The following GSE1 variants were observed in gnomAD, a reference collection of about 807,000 sequenced individuals.
The protein encoded by GSE1 is genetic suppressor element 1.
GSE1 carries 32 observed loss-of-function variants against 112.6 expected under a neutral mutation model. The ratio of observed to expected loss-of-function variants is 0.28; its 90% CI spans 0.21 to 0.38. The LOEUF is 0.38. GSE1 is among the 10% of genes least tolerant of loss of function. GSE1 has a pLI of 1.00. For synonymous variants in GSE1, 1,115 were observed against 735.6 expected (o/e 1.52, Z -8.35); for missense variants, 2,348 against 1,699.2 (o/e 1.38, Z -6.71).
At chr16:85,625,282 T>C (rs2048995988) in intron 1 of GSE1, among the ~76,000 whole-genome samples, 1 of 152,206 alleles carries the variant, frequency 6.6e-6, no homozygotes, top group African/African-American at 2.4e-5. Flanking sequence ...GTTGCTGCCA[T>C]CTGTTGCCTG....
At chr16:85,270,253 CAG>C (rs1466328102) in intron 1 of GSE1, among the ~76,000 whole-genome samples, 1 of 149,010 alleles carries the variant, frequency 6.7e-6, no homozygotes, top group Non-Finnish European at 1.5e-5. Context: ...GGGGACAAAA[CAG>C]AACCACCCAG....
chr16:85,326,714 C>T (rs1364230752), intron 1 of GSE1, among the ~76,000 whole-genome samples: 2 of 152,210 alleles, frequency 1.3e-5, no homozygotes, highest in African/African-American at 4.8e-5. Flanking sequence ...GCCATAGCAG[C>T]GTGAGAACAG....
At chr16:85,180,378 A>T (rs2074557794) in intron 1 of GSE1, among the ~76,000 whole-genome samples, 2 of 152,218 alleles carry the variant, frequency 1.3e-5, no homozygotes. Context: ...CACCGAGGCC[A>T]CGCTATCCTG....
At chr16:85,355,024 C>T (rs570278096) in intron 1 of GSE1, among the ~76,000 whole-genome samples, 8 of 152,310 alleles carry the variant, frequency 5.3e-5, no homozygotes, top group African/African-American at 1.9e-4. Context: ...CCTAAGCCGC[C>T]GGCATGCCTG....
At chr16:85,408,126 G>GAC (rs1555581526) in intron 2 of GSE1, among the ~76,000 whole-genome samples, 1 of 32,034 alleles carries the variant, frequency 3.1e-5, no homozygotes, top group Non-Finnish European at 6.0e-5. Flanking sequence ...TTACTCTCAG[G>GAC]CCCCCTGGAT....
chr16:85,540,877 G>T (rs527840383), intron 2 of GSE1, among the ~76,000 whole-genome samples: 1 of 152,152 alleles, frequency 6.6e-6, no homozygotes, highest in African/African-American at 2.4e-5. Context: ...ACTGCACTCC[G>T]GCCTGAGCAA....
At chr16:85,177,540 C>T (rs77269027) in intron 1 of GSE1, among the ~76,000 whole-genome samples, 6,811 of 152,282 alleles carry the variant, frequency 0.045, 247 homozygotes, top group Middle Eastern at 0.068. Context: ...TTTCCCCATC[C>T]GTCAAAGTGA....
intron 2 of GSE1, among the ~76,000 whole-genome samples, chr16:85,396,573 G>C (rs950694505): frequency 6.6e-5 from 10 of 152,240 alleles, no homozygotes; most frequent in African/African-American, 2.2e-4. Context: ...CCACCACCTG[G>C]AGCCATGGAG....
intron 1 of GSE1, among the ~76,000 whole-genome samples, chr16:85,627,662 ACAGCCCC>A (rs554193348): frequency 6.6e-6 from 1 of 151,002 alleles, no homozygotes; most frequent in East Asian, 2.0e-4. Context: ...CAGTGCGGAG[ACAGCCCC>A]CGGCCCCCCG....
intron 2 of GSE1, among the ~76,000 whole-genome samples, chr16:85,550,519 C>A (rs999244425): frequency 6.6e-6 from 1 of 152,010 alleles, no homozygotes; most frequent in Non-Finnish European, 1.5e-5. Flanking sequence ...AGGTTAGCCA[C>A]GCAGCTTCCC....
chr16:85,500,210 T>C (rs567502885), intron 2 of GSE1, among the ~76,000 whole-genome samples: 49 of 152,358 alleles, frequency 3.2e-4, no homozygotes, highest in South Asian at 1.9e-3. Context: ...AGGTTTGTTC[T>C]TTTTTCTCCT....
At position 85,419,611 on chromosome 16, in the gene GSE1, A is replaced by AAAAAC. The variant is rs1296881447; in HGVS notation, c.2464+61972_2464+61973insCAAAA. On this transcript the variant is annotated intron_variant, in intron 2 of 2. Transcript: ENST00000637419. The surrounding 1 kb of genome is among the most constrained non-coding windows in gnomAD (Gnocchi z 6.5). The stretch of plus-strand genomic sequence containing the variant: ...ATAGAGCAAGGCTGTGTCTCAAAAA[A>AAAAAC]AAAAAACAAAAAACAAAAAACAAAA... Among the ~76,000 whole-genome samples the AAAAAC allele has an allele frequency of 3.3e-5, 5 of 151,928 alleles. No homozygotes were observed. Among genetic ancestry groups the AAAAAC allele is most frequent in the Non-Finnish European group, 4.4e-5 (3 of 67,952 alleles).
intron 8 of GSE1, among the ~76,000 whole-genome samples, chr16:85,658,968 C>T (rs1039025107): frequency 1.3e-5 from 2 of 152,250 alleles, no homozygotes; most frequent in African/African-American, 2.4e-5. Context: ...CGGCTGCACA[C>T]GTGGCCTTAC....
At chr16:85,491,752 G>A (rs1168973368) in intron 2 of GSE1, among the ~76,000 whole-genome samples, 1 of 152,158 alleles carries the variant, frequency 6.6e-6, no homozygotes, top group East Asian at 1.9e-4. Flanking sequence ...CCAGGTCTCA[G>A]CGCCACAGTC....
At chr16:85,442,048 C>T (rs2049388498) in intron 2 of GSE1, among the ~76,000 whole-genome samples, 1 of 152,236 alleles carries the variant, frequency 6.6e-6, no homozygotes, top group Admixed American at 6.5e-5. Context: ...ACACTGACCA[C>T]CTTGCTGGTC....
rs539900335 is a variant in GSE1, at chr16:85,503,826, A to G, written c.2465-130088A>G. The stretch of plus-strand genomic sequence containing the variant: ...GGCCGTCATTTGATACAAGACTATC[A>G]TCACCCGTGAACCCATTAGCTGCAG... On this transcript the variant is annotated intron_variant, in intron 2 of 2. Transcript: ENST00000637419. Among the ~76,000 whole-genome samples the G allele has an allele frequency of 6.1e-4, 93 of 152,350 alleles. 1 individual carries two copies. The highest frequency in any genetic ancestry group is 6.8e-3 in the Middle Eastern group (2 of 294).
chr16:85,478,436 A>G (rs553105537), intron 2 of GSE1, among the ~76,000 whole-genome samples: 1 of 151,592 alleles, frequency 6.6e-6, no homozygotes, highest in Non-Finnish European at 1.5e-5. Context: ...CTGAAGCAGG[A>G]GAATCACCTG....
intron 1 of GSE1, among the ~76,000 whole-genome samples, chr16:85,238,243 C>T (rs539711583): frequency 2.1e-4 from 32 of 152,294 alleles, no homozygotes; most frequent in African/African-American, 7.2e-4. Flanking sequence ...GTGTGCCAGC[C>T]TGCCCTCACA....
intron 1 of GSE1, among the ~76,000 whole-genome samples, chr16:85,232,154 ATGTT>A (rs1904293553): frequency 6.6e-6 from 1 of 152,202 alleles, no homozygotes; most frequent in Admixed American, 6.5e-5. Context: ...TGGGAGGTAA[ATGTT>A]TGTTTCAACA....
Sources: allele counts gnomAD v4.1 joint callset (sites outside exome capture counted in the v4.1 genomes callset), GRCh38; gene constraint gnomAD v4.1.1; non-coding constraint Gnocchi (gnomAD v3.1); transcripts MANE v1.5; gene names NCBI Gene and HGNC (gene_info 2026-07-23, HGNC 2026-07-21).